Variants in ZNF783 observed in about 807,000 individuals in gnomAD.
ZNF783 encodes the protein protein ZNF783.
Under a neutral mutation model 31.3 loss-of-function variants are expected in ZNF783, and 25 were observed. The ratio of observed to expected loss-of-function variants is 0.80; its 90% CI spans 0.58 to 1.11. ZNF783 has a LOEUF of 1.11. Ranked by LOEUF, ZNF783 falls within the 50% of genes most tolerant of loss-of-function variation. The pLI, the probability that ZNF783 is intolerant of heterozygous loss-of-function variation, is 0.00. For synonymous variants in ZNF783, 369 were observed against 319.1 expected (o/e 1.16, Z -1.66); for missense variants, 797 against 760.0 (o/e 1.05, Z -0.57).
At chr7:149,263,265 CGTGTGTGTGT>C (rs56067256) in intron 1 of ZNF783, among the ~76,000 whole-genome samples, 14,580 of 121,180 alleles carry the variant, frequency 0.12, 1,020 homozygotes, top group South Asian at 0.18. Flanking sequence ...TATATATATA[CGTGTGTGTGT>C]GTGTGTGTGT....
chr7:149,271,782 T>C (rs1585613209), intron 4 of ZNF783, among the ~76,000 whole-genome samples: 1 of 152,350 alleles, frequency 6.6e-6, no homozygotes, highest in East Asian at 1.9e-4. Flanking sequence ...AGAGATATAT[T>C]TGTATTCCCA....
At chr7:149,279,132 C>T (rs1797400225) in intron 5 of ZNF783, among the ~76,000 whole-genome samples, 1 of 152,244 alleles carries the variant, frequency 6.6e-6, no homozygotes, top group African/African-American at 2.4e-5. Context: ...CTGCCGCTGG[C>T]CCGACTTTCA....
chr7:149,266,693 T>C lies in ZNF783; in HGVS notation c.383T>C (p.Leu128Ser), dbSNP rs771858882. The C allele has an allele frequency of 1.8e-5, 29 of 1,613,876 alleles. No homozygotes were observed. The highest frequency in any genetic ancestry group is 2.3e-5 in the Non-Finnish European group (27 of 1,179,992). The change falls in exon 2 of 6, where the codon TTG becomes TCG. Residue 128 changes from leucine to serine, a missense_variant. Transcript: ENST00000434415. Reference protein sequence around the residue: ...NLLRNRNFWILRLPPGSKGEA... With the variant: ...NLLRNRNFWISRLPPGSKGEA... ...CTGCGCAACAGGAACTTCTGGATCT[T>C]GCGGCTGCCCCCGGGCAGCAAGGGG...
At chr7:149,278,307 C>T (rs1797379782) in intron 4 of ZNF783, 92 bp from the exon 5 acceptor site, 8 of 1,554,256 alleles carry the variant, frequency 5.1e-6, no homozygotes, top group Middle Eastern at 1.7e-4. Flanking sequence ...GCCCCAGGAT[C>T]GCAGTGACTC....
At chr7:149,279,632 G>GTTTTTTTTTTTTTTTTT (rs764203926) in intron 5 of ZNF783, among the ~76,000 whole-genome samples, 1 of 100,340 alleles carries the variant, frequency 1.0e-5, no homozygotes, top group African/African-American at 3.7e-5. Context: ...TTTTATCTTT[G>GTTTTTTTTTTTTTTTTT]TTTTTTTTTT....
chr7:149,265,472 C>G (rs1422474940), intron 1 of ZNF783, among the ~76,000 whole-genome samples: 1 of 152,212 alleles, frequency 6.6e-6, no homozygotes, highest in Non-Finnish European at 1.5e-5. Flanking sequence ...GGCTCTTTTC[C>G]TGGTTTGCAG....
rs977755119 is a variant in ZNF783, at chr7:149,282,390, G to C, written c.*47G>C. On this transcript the variant is annotated 3_prime_UTR_variant, in exon 6 of 6. Transcript: ENST00000434415. The stretch of plus-strand genomic sequence containing the variant: ...ACCCCTGGCGGGGTCTCTCCCCTGT[G>C]CCTGACGCAGGTTCTTCCTTTTCCT... 2 of 1,387,642 alleles carry C rather than the reference G, an allele frequency of 1.4e-6. No individual in the cohort carries two copies. The highest frequency in any genetic ancestry group is 1.9e-6 in the Non-Finnish European group (2 of 1,058,160). 86.0% of individuals were successfully genotyped at this position (1,387,642 alleles called of 1,614,324 possible).
intron 2 of ZNF783, 30 bp downstream of exon 2, chr7:149,266,760 G>A: frequency 2.5e-6 from 4 of 1,613,450 alleles, no homozygotes; most frequent in Non-Finnish European, 3.4e-6. Context: ...GGGTGGGGGA[G>A]CTCGAGGGGC....
rs1411713604 is a variant in ZNF783, at chr7:149,263,322, ATAT to A, written c.24+967_24+969del. 7.1e-3 allele frequency among the ~76,000 whole-genome samples: 807 copies of A among 113,656 alleles called. 8 individuals carry two copies. Among genetic ancestry groups the A allele is most frequent in the Middle Eastern group, 0.031 (7 of 228 alleles). The allele number at this position is 113,656 out of a possible 152,430, so 74.6% of individuals were successfully genotyped here. A position where few individuals can be genotyped will look rare whatever the true frequency, so the allele number is the denominator to read the frequency against. ...TGTGTGTGTATATATATATATATAT[ATAT>A]TTTTTTTTTAGACACAGTCTCACTC... is the stretch of plus-strand genomic sequence containing the variant. On this transcript the variant is annotated intron_variant, in intron 1 of 5. Transcript: ENST00000434415.
rs1016966799 is a variant in ZNF783, at chr7:149,266,378, C to T, written c.68C>T (p.Thr23Ile). ...DKHTEDQSPS[T>I]PLPQPAAEKN... ...CACACAGAGGACCAGAGTCCTTCGA[C>T]ACCCTTGCCCCAGCCAGCTGCTGAG... Residue 23 changes from threonine to isoleucine, a missense_variant, in exon 2 of 6, where the codon ACA becomes ATA. Coordinates refer to ENST00000434415, the MANE Select transcript of ZNF783 (RefSeq NM_001195220.2). 4 of 1,598,502 alleles carry T rather than the reference C, an allele frequency of 2.5e-6. No individual in the cohort carries two copies. In the Admixed American group the frequency reaches 5.0e-5, roughly 20 times the overall value.
Position 149,278,478 on chromosome 7 carries a change from G to A in ZNF783, c.753G>A (p.Lys251=), listed in dbSNP as rs554092704. The change falls in exon 5 of 6, where the codon AAG becomes AAA. Residue 251 remains lysine (K), a synonymous_variant. Transcript: ENST00000434415. ...AGCTGAAAGAAGGGCAGGCCCCCAA[G>A]CAGCAGCAGGACTCAGAGGCGAGAG... ...QEELKEGQAP[K]QQQDSEARVA... 8.8e-5 allele frequency: 140 copies of A among 1,599,334 alleles called. 1 individual carries two copies. The East Asian group carries it at 3.1e-3, about 35-fold the overall frequency.
At position 149,281,718 on chromosome 7, in the gene ZNF783, G is replaced by A. The variant is rs756395745; in HGVS notation, c.1016G>A (p.Arg339Gln). Residue 339 changes from arginine (R) to glutamine (Q), a missense_variant, in exon 6 of 6, where the codon CGA becomes CAA. Physicochemically the swap from Arg to Gln is conservative, Grantham distance 43. Transcript: ENST00000434415. The part of the protein sequence containing the change: ...RPPGASGETP[R>Q]VLSRRRQRAF... ...CCGGGGGCCAGTGGGGAGACGCCCC[G>A]AGTCCTCTCCCGCAGGCGGCAGCGG... The A allele has an allele frequency of 3.4e-6, 5 of 1,485,992 alleles. No homozygotes were observed. The highest frequency in any genetic ancestry group is 3.5e-6 in the Non-Finnish European group (4 of 1,127,430). 92.1% of individuals were successfully genotyped at this position (1,485,992 alleles called of 1,614,324 possible).
chr7:149,276,567 T>C (rs185262244), intron 4 of ZNF783: 2 of 985,436 alleles, frequency 2.0e-6, no homozygotes, highest in African/African-American at 1.7e-5. Flanking sequence ...ATTTTACCTT[T>C]TGATAACCTT....
chr7:149,266,947 T>G lies in ZNF783; in HGVS notation c.547+2T>G, dbSNP rs755396774. 28 of 1,613,878 alleles carry G rather than the reference T, an allele frequency of 1.7e-5. No individual in the cohort carries two copies. Among genetic ancestry groups the G allele is most frequent in the East Asian group, 2.2e-5 (1 of 44,866 alleles). ...ACTACGAGACGCTGGTCTCCCTGGG[T>G]AAGGCCACGGAGGGAGGATCTGGGC... On this transcript the variant is annotated splice_donor_variant, in intron 3 of 5. Transcript: ENST00000434415. LOFTEE classifies it high-confidence loss of function.
rs758974388 is a variant in ZNF783 at position 149,278,567 on chromosome 7, C to T, written c.802+40C>T. The stretch of plus-strand genomic sequence containing the variant: ...TGAGGCGGCAGGATGAACAGTGTCC[C>T]GAGGCAGCACGCGATCACCAAGCGA... On this transcript the variant is annotated intron_variant, in intron 5 of 5. Transcript: ENST00000434415. The T allele has an allele frequency of 2.9e-5, 46 of 1,597,196 alleles. No homozygotes were observed. The East Asian group carries it at 3.6e-4, about 12-fold the overall frequency.
intron 1 of ZNF783, among the ~76,000 whole-genome samples, chr7:149,265,403 C>A (rs1260298293): frequency 6.6e-6 from 1 of 152,186 alleles, no homozygotes; most frequent in African/African-American, 2.4e-5. Flanking sequence ...TGAGCTGGAA[C>A]CATCACCATA....
rs755586611 is a variant in ZNF783, at chr7:149,266,496, C to A, written c.186C>A (p.Thr62=). 3.8e-5 allele frequency: 62 copies of A among 1,613,524 alleles called. No individual in the cohort carries two copies. The highest frequency in any genetic ancestry group is 5.3e-5 in the Non-Finnish European group (62 of 1,180,040). The change falls in exon 2 of 6, where the codon ACC becomes ACA. Residue 62 remains threonine, a synonymous_variant. Transcript: ENST00000434415. ...ALEKKVDSCL[T]RLLTLEGRTG... is the part of the protein sequence containing the mutation. ...AGAAGAAGGTGGATTCCTGCCTGAC[C>A]CGCTTGCTGACTCTGGAGGGGCGCA...
intron 5 of ZNF783, among the ~76,000 whole-genome samples, chr7:149,280,791 A>G (rs1797448184): frequency 6.6e-6 from 1 of 152,062 alleles, no homozygotes; most frequent in African/African-American, 2.4e-5. Context: ...GGGTGCTGAG[A>G]CCTGGGGTCT....
chr7:149,273,327 A>T (rs1243930285), intron 4 of ZNF783, among the ~76,000 whole-genome samples: 3 of 152,050 alleles, frequency 2.0e-5, no homozygotes, highest in Admixed American at 2.0e-4. Context: ...GCACCTCCAT[A>T]CTGTTCTCCA....
Sources: gnomAD v4.1 joint callset for allele counts (sites outside exome capture counted in the v4.1 genomes callset) on GRCh38, gnomAD v4.1.1 for gene constraint, MANE v1.5 for transcripts, NCBI Gene and HGNC (gene_info 2026-07-23, HGNC 2026-07-21) for gene names.